MED13: variants seen among roughly 807,000 people sequenced by gnomAD.
The protein encoded by MED13 is mediator of RNA polymerase II transcription subunit 13.
Under a neutral mutation model 225.2 loss-of-function variants are expected in MED13, and 23 were observed. That is an observed-to-expected ratio of 0.10 (90% CI 0.07 to 0.14). The LOEUF is 0.14. Ranked by LOEUF, MED13 falls within the 10% of genes least tolerant of loss-of-function variation. The pLI is 1.00. For missense variants in MED13, 2,197 were observed against 2,594.5 expected (o/e 0.85, Z 3.33); for synonymous variants, 942 against 889.2 (o/e 1.06, Z -1.06).
rs147559244 is a variant in MED13, at chr17:62,012,542, C to T, written c.1284-1309G>A. 6.5e-3 allele frequency among the ~76,000 whole-genome samples: 987 copies of T among 151,650 alleles called. 10 individuals carry two copies. Among genetic ancestry groups the T allele is most frequent in the African/African-American group, 0.023 (938 of 41,356 alleles). On this transcript the variant is annotated intron_variant, in intron 8 of 29. Transcript: ENST00000397786. ...ACGGGGTTTTTCCATGTTGGTCAGG[C>T]TGGTCCTGAACTCCCGACCTCAGGA...
chr17:62,014,312 A>T (rs796549366), intron 8 of MED13, among the ~76,000 whole-genome samples: 4 of 146,334 alleles, frequency 2.7e-5, no homozygotes, highest in African/African-American at 7.7e-5. Flanking sequence ...ATATGTTTTT[A>T]TATATATATA....
At chr17:62,045,827 T>C (rs1288251665) in intron 3 of MED13, among the ~76,000 whole-genome samples, 1 of 152,220 alleles carries the variant, frequency 6.6e-6, no homozygotes, top group Admixed American at 6.5e-5. Context: ...TCTTTACAGG[T>C]AACCTAGCTG....
intron 21 of MED13, among the ~76,000 whole-genome samples, 191 bp from the exon 22 acceptor site, chr17:61,961,970 G>C (rs2080004907): frequency 6.6e-6 from 1 of 152,118 alleles, no homozygotes; most frequent in Non-Finnish European, 1.5e-5. Flanking sequence ...AATGGGTTCT[G>C]AATTAAAGGA....
chr17:62,031,354 G>T, intron 6 of MED13, 90 bp downstream of exon 6: 1 of 1,154,064 alleles, frequency 8.7e-7, no homozygotes, highest in Non-Finnish European at 1.2e-6. Flanking sequence ...CAAGAAGTTT[G>T]AAACTATTTC....
At chr17:62,015,915 C>CACACACATATATATATATAT (rs1230248036) in intron 8 of MED13, among the ~76,000 whole-genome samples, 2 of 8,600 alleles carry the variant, frequency 2.3e-4, no homozygotes, top group East Asian at 5.7e-3. Context: ...ACACTATACA[C>CACACACATATATATATATAT]ATATATATAT....
At chr17:62,025,384 T>C (rs1039829704) in intron 8 of MED13, among the ~76,000 whole-genome samples, 2 of 152,234 alleles carry the variant, frequency 1.3e-5, no homozygotes, top group Admixed American at 6.5e-5. Flanking sequence ...TCATTTTCAG[T>C]TGGCTGGGCA....
At chr17:62,006,388 T>C (rs1298505042) in intron 9 of MED13, 2 of 152,036 alleles carry the variant, frequency 1.3e-5, no homozygotes, top group African/African-American at 4.8e-5. Context: ...AAAGATTCCT[T>C]TTTAAGGAAA....
At chr17:62,008,465 C>G (rs1017995587) in intron 9 of MED13, among the ~76,000 whole-genome samples, 1 of 151,828 alleles carries the variant, frequency 6.6e-6, no homozygotes, top group Non-Finnish European at 1.5e-5. Flanking sequence ...CAGAAGAGAT[C>G]GCGTTTTTTT....
intron 16 of MED13, among the ~76,000 whole-genome samples, chr17:61,974,138 G>T (rs2080133193): frequency 6.6e-6 from 1 of 152,088 alleles, no homozygotes; most frequent in African/African-American, 2.4e-5. Context: ...CCGGGCTTGG[G>T]TGGTGGCTCA....
chr17:62,032,904 C>G (rs1354459539), intron 5 of MED13, among the ~76,000 whole-genome samples: 2 of 152,192 alleles, frequency 1.3e-5, no homozygotes, highest in African/African-American at 4.8e-5. Context: ...AATCCCAGCA[C>G]TCTGGGAGGC....
At chr17:61,958,054 T>C (rs1385688588) in intron 23 of MED13, among the ~76,000 whole-genome samples, 2 of 149,158 alleles carry the variant, frequency 1.3e-5, no homozygotes, top group East Asian at 2.0e-4. Flanking sequence ...TTAGTAGAGA[T>C]GGGGTTTCAC....
chr17:62,042,249 CTTACATTATACA>C (rs1281221694), intron 3 of MED13, among the ~76,000 whole-genome samples: 1 of 152,132 alleles, frequency 6.6e-6, no homozygotes, highest in African/African-American at 2.4e-5. Flanking sequence ...GAACATATTA[CTTACATTATACA>C]GTAAATAATA....
chr17:61,989,565 T>C (rs1189662216), intron 11 of MED13, among the ~76,000 whole-genome samples: 1 of 152,208 alleles, frequency 6.6e-6, no homozygotes, highest in East Asian at 1.9e-4. Flanking sequence ...CTCAAACTCC[T>C]GACCTCAGGT....
At chr17:62,007,556 A>T (rs1314530849) in intron 9 of MED13, 1 of 152,128 alleles carries the variant, frequency 6.6e-6, no homozygotes, top group East Asian at 1.9e-4. Flanking sequence ...CTTCAAACTG[A>T]GTTAGACCTT....
At chr17:62,019,351 T>C (rs148022337) in intron 8 of MED13, among the ~76,000 whole-genome samples, 2 of 152,320 alleles carry the variant, frequency 1.3e-5, no homozygotes, top group African/African-American at 2.4e-5. Flanking sequence ...AATTATTGTT[T>C]TTAATAAGTG....
rs760427265 is a variant in MED13, at chr17:62,029,952, G to A, written c.1071C>T (p.Ser357=). ...TCCCACCATGGTGGCTAGTACTATC[G>A]GAGTTGAAGCCATCAGATACTGAAG... is the stretch of plus-strand genomic sequence containing the variant. ...KFSSVSDGFN[S]DSTSHHGGKI... Residue 357 remains serine, a synonymous_variant, in exon 7 of 30, where the codon TCC becomes TCT. Coordinates refer to ENST00000397786, the MANE Select transcript of MED13 (RefSeq NM_005121.3). 9.4e-5 allele frequency: 151 copies of A among 1,613,430 alleles called. 2 individuals carry two copies. In the South Asian group the frequency reaches 1.4e-3, roughly 15 times the overall value.
chr17:62,016,372 G>C (rs2080581600), intron 8 of MED13, among the ~76,000 whole-genome samples: 1 of 152,028 alleles, frequency 6.6e-6, no homozygotes, highest in Non-Finnish European at 1.5e-5. Flanking sequence ...CAATGACAAG[G>C]ACCATACTAC....
chr17:61,972,416 AAAAGT>A (rs1193444036), intron 17 of MED13, among the ~76,000 whole-genome samples: 1 of 152,178 alleles, frequency 6.6e-6, no homozygotes, highest in African/African-American at 2.4e-5. Context: ...AATAAATAAC[AAAAGT>A]ATTTTTTTTG....
chr17:62,011,313 A>T, intron 8 of MED13, 80 bp from the exon 9 acceptor site: 1 of 1,176,612 alleles, frequency 8.5e-7, no homozygotes, highest in Non-Finnish European at 1.2e-6. Context: ...AGTATTAGAC[A>T]CTTCGGTTAT....
Sources: allele counts gnomAD v4.1 joint callset (sites outside exome capture counted in the v4.1 genomes callset), GRCh38; gene constraint gnomAD v4.1.1; transcripts MANE v1.5; gene names NCBI Gene and HGNC (gene_info 2026-07-23, HGNC 2026-07-21).